The following KCNQ3 variants were observed in gnomAD, a reference collection of about 807,000 sequenced individuals.
KCNQ3 encodes the protein potassium voltage-gated channel subfamily Q member 3, also known as potassium voltage-gated channel subfamily KQT member 3.
In KCNQ3, 30 loss-of-function variants were observed where a neutral mutation model predicts 92.5. The ratio of observed to expected loss-of-function variants is 0.32; its 90% CI spans 0.24 to 0.44. The LOEUF (loss-of-function observed/expected upper bound fraction) is 0.44. Ranked by LOEUF, KCNQ3 falls within the 20% of genes least tolerant of loss-of-function variation. The pLI is 1.00. For synonymous variants in KCNQ3, 450 were observed against 468.8 expected (o/e 0.96, Z 0.52); for missense variants, 913 against 1,140.3 (o/e 0.80, Z 2.87).
chr8:132,351,123 C>A (rs945654084), intron 1 of KCNQ3, among the ~76,000 whole-genome samples: 1 of 152,140 alleles, frequency 6.6e-6, no homozygotes, highest in Non-Finnish European at 1.5e-5. Flanking sequence ...TGAATATCTG[C>A]CAAGCACTAA....
At chr8:132,315,392 G>T (rs1385013759) in intron 1 of KCNQ3, among the ~76,000 whole-genome samples, 1 of 152,122 alleles carries the variant, frequency 6.6e-6, no homozygotes. Flanking sequence ...GGGCCGTAGG[G>T]TCACTACTGG....
At chr8:132,369,838 C>T (rs1029576371) in intron 1 of KCNQ3, among the ~76,000 whole-genome samples, 1 of 152,176 alleles carries the variant, frequency 6.6e-6, no homozygotes, top group African/African-American at 2.4e-5. Flanking sequence ...TTTAGGAAGA[C>T]ATGGAGTATG....
Position 132,324,396 on chromosome 8 carries a change from A to AT in KCNQ3, c.387-138216dup, listed in dbSNP as rs537894330. On this transcript the variant is annotated intron_variant, in intron 1 of 14. Transcript: ENST00000388996. ...AAGCACAACATCTAAAACTCAGTAG[A>AT]TATTTGTTAATTGAATTAAGTGAAG... Among the ~76,000 whole-genome samples the AT allele has an allele frequency of 3.4e-3, 512 of 152,350 alleles. 2 individuals are homozygous for AT. Among genetic ancestry groups the AT allele is most frequent in the African/African-American group, 0.012 (487 of 41,568 alleles).
chr8:132,393,634 A>C (rs1287890443), intron 1 of KCNQ3, among the ~76,000 whole-genome samples: 1 of 152,214 alleles, frequency 6.6e-6, no homozygotes, highest in East Asian at 1.9e-4. Context: ...AACTAAATTT[A>C]TCAATTTACC....
At chr8:132,473,494 CTTTTG>C (rs999376398) in intron 1 of KCNQ3, among the ~76,000 whole-genome samples, 1 of 152,120 alleles carries the variant, frequency 6.6e-6, no homozygotes, top group Non-Finnish European at 1.5e-5. Context: ...GTTTTGTTTC[CTTTTG>C]TTTTATTTAT....
chr8:132,431,105 A>G (rs2130823896), intron 1 of KCNQ3, among the ~76,000 whole-genome samples: 1 of 152,242 alleles, frequency 6.6e-6, no homozygotes. Context: ...TTCTCCAAGC[A>G]GTGCCAAGCC....
intron 4 of KCNQ3, among the ~76,000 whole-genome samples, chr8:132,178,720 G>A (rs1826650399): frequency 1.3e-5 from 2 of 151,900 alleles, no homozygotes; most frequent in South Asian, 4.2e-4. Flanking sequence ...GTGCATCCTT[G>A]AGATAGAGAA....
intron 1 of KCNQ3, among the ~76,000 whole-genome samples, chr8:132,320,872 C>A (rs1030707736): frequency 6.6e-6 from 1 of 152,224 alleles, no homozygotes; most frequent in Non-Finnish European, 1.5e-5. Flanking sequence ...CCTCTATTCA[C>A]GTGCAACAGT....
At chr8:132,132,108 GAAAA>G in intron 14 of KCNQ3, 68 bp downstream of exon 14, 6 of 1,036,170 alleles carry the variant, frequency 5.8e-6, no homozygotes, top group African/African-American at 3.2e-5. Flanking sequence ...AAGAAAGAAA[GAAAA>G]AAAAGAAATG....
At chr8:132,449,348 G>A (rs1395488439) in intron 1 of KCNQ3, among the ~76,000 whole-genome samples, 1 of 151,782 alleles carries the variant, frequency 6.6e-6, no homozygotes, top group East Asian at 1.9e-4. Context: ...CCACAGGATC[G>A]GATTACAGTG....
chr8:132,189,687 A>G (rs923838406), intron 1 of KCNQ3, among the ~76,000 whole-genome samples: 40 of 151,910 alleles, frequency 2.6e-4, no homozygotes, highest in Admixed American at 4.6e-4. Context: ...TTAGCCAGGC[A>G]TGGTGGTGCA....
intron 3 of KCNQ3, among the ~76,000 whole-genome samples, chr8:132,183,153 A>T (rs1826846475): frequency 6.6e-6 from 1 of 152,202 alleles, no homozygotes; most frequent in African/African-American, 2.4e-5. Flanking sequence ...TTTCAAAAGT[A>T]AAGTGAAGAA....
chr8:132,350,226 T>A (rs1818818800), intron 1 of KCNQ3, among the ~76,000 whole-genome samples: 1 of 152,070 alleles, frequency 6.6e-6, no homozygotes, highest in African/African-American at 2.4e-5. Flanking sequence ...ACAGACCCAA[T>A]CACCCCATTG....
Position 132,444,407 on chromosome 8 carries a change from C to T in KCNQ3, c.386+35740G>A, listed in dbSNP as rs538407490. 4.6e-5 allele frequency among the ~76,000 whole-genome samples: 7 copies of T among 152,202 alleles called. No individual in the cohort carries two copies. The South Asian group carries it at 6.2e-4, about 14-fold the overall frequency. ...CGTGTGAAGGGTCTACACTGAATAT[C>T]GTTGAATCAAGGATTTTATTCCAAA... On this transcript the variant is annotated intron_variant, in intron 1 of 14. Transcript: ENST00000388996.
intron 11 of KCNQ3, among the ~76,000 whole-genome samples, chr8:132,138,580 G>A (rs926941650): frequency 6.6e-6 from 1 of 152,144 alleles, no homozygotes; most frequent in Non-Finnish European, 1.5e-5. Context: ...GTTTTCTCAG[G>A]TTCCTTATAA....
chr8:132,175,486 A>G lies in KCNQ3; in HGVS notation c.900T>C (p.Phe300=). The change falls in exon 5 of 15, where the codon TTT becomes TTC. Residue 300 remains phenylalanine, a synonymous_variant. Coordinates refer to ENST00000388996, the MANE Select transcript of KCNQ3 (RefSeq NM_004519.4). ...ACCACAGGGCATCTGCATAGGTCTC[A>G]AACTCCTCTTTCATCTCCTCTCCTT... ...DAQGEEMKEE[F]ETYADALWWG... The G allele has an allele frequency of 6.2e-7, 1 of 1,614,174 alleles. No homozygotes were observed. Among genetic ancestry groups the G allele is most frequent in the Non-Finnish European group, 8.5e-7 (1 of 1,180,010 alleles).
At chr8:132,463,014 C>T (rs986931033) in intron 1 of KCNQ3, among the ~76,000 whole-genome samples, 12 of 152,156 alleles carry the variant, frequency 7.9e-5, no homozygotes, top group South Asian at 2.1e-4. Flanking sequence ...GTTAGCATTC[C>T]GGGAAGACAC....
intron 9 of KCNQ3, among the ~76,000 whole-genome samples, chr8:132,162,275 G>T (rs528247760): frequency 1.3e-5 from 2 of 149,874 alleles, no homozygotes; most frequent in East Asian, 1.9e-4. Flanking sequence ...TATAGAAAAG[G>T]CTCTAAAGGT....
intron 1 of KCNQ3, among the ~76,000 whole-genome samples, chr8:132,375,500 G>C (rs1819583485): frequency 6.6e-6 from 1 of 152,126 alleles, no homozygotes; most frequent in South Asian, 2.1e-4. Flanking sequence ...CGACTGAAAA[G>C]GGCACATGAA....
Sources: gnomAD v4.1 joint callset for allele counts (sites outside exome capture counted in the v4.1 genomes callset) on GRCh38, gnomAD v4.1.1 for gene constraint, MANE v1.5 for transcripts, NCBI Gene and HGNC (gene_info 2026-07-23, HGNC 2026-07-21) for gene names.